Variants in FAT3 observed in about 807,000 individuals in gnomAD.
FAT3 encodes FAT atypical cadherin 3.
A neutral mutation model predicts 310.2 loss-of-function variants in FAT3; 95 were observed. The ratio of observed to expected loss-of-function variants is 0.31; its 90% CI spans 0.26 to 0.36. The LOEUF (loss-of-function observed/expected upper bound fraction) is 0.36, where lower values mean the gene tolerates loss of function less well. Ranked by LOEUF, FAT3 falls within the 10% of genes least tolerant of loss-of-function variation. The pLI, the probability that FAT3 is intolerant of heterozygous loss-of-function variation, is 1.00. For missense variants in FAT3, 5,408 were observed against 5,715.6 expected, an observed-to-expected ratio of 0.95 and a Z score of 1.74; for synonymous variants, 2,314 against 2,192.9, an observed-to-expected ratio of 1.06 and a Z score of -1.54.
intron 2 of FAT3, among the ~76,000 whole-genome samples, chr11:92,434,297 T>TA (rs1950876446): frequency 6.6e-6 from 1 of 152,156 alleles, no homozygotes; most frequent in Non-Finnish European, 1.5e-5. Flanking sequence ...GAATCTCCCA[T>TA]GTACAGCTGT....
At chr11:92,362,229 C>T (rs988451634) in intron 2 of FAT3, among the ~76,000 whole-genome samples, 1 of 152,174 alleles carries the variant, frequency 6.6e-6, no homozygotes, top group African/African-American at 2.4e-5. Context: ...ACCTAATGTA[C>T]ACTTTGAATT....
chr11:92,824,550 G>A (rs1948054936), intron 13 of FAT3, among the ~76,000 whole-genome samples: 1 of 152,104 alleles, frequency 6.6e-6, no homozygotes, highest in South Asian at 2.1e-4. Context: ...CGAGTGGTAT[G>A]GATGTTGACA....
intron 3 of FAT3, among the ~76,000 whole-genome samples, chr11:92,648,850 C>A (rs1298082672): frequency 6.6e-6 from 1 of 152,190 alleles, no homozygotes; most frequent in Non-Finnish European, 1.5e-5. Flanking sequence ...GAAGACACTG[C>A]AGTCGGAAGC....
chr11:92,712,972 C>G (rs1471543174), intron 4 of FAT3, among the ~76,000 whole-genome samples: 2 of 152,182 alleles, frequency 1.3e-5, no homozygotes, highest in Non-Finnish European at 2.9e-5. Flanking sequence ...CAAAGCCCAG[C>G]CCCAGCTTGC....
In FAT3 at chr11:92,827,597, A is replaced by G. The variant is rs141130631; in HGVS notation, c.9482-4025A>G. Among the ~76,000 whole-genome samples the G allele has an allele frequency of 3.0e-3, 453 of 152,258 alleles. 2 individuals carry two copies. Among genetic ancestry groups the G allele is most frequent in the African/African-American group, 0.01 (430 of 41,554 alleles). ...TTTAATGCATTTTAAACTGACTTTT[A>G]TGTACAGTCCCACGTCCAAAAAGTC... is the stretch of plus-strand genomic sequence containing the variant. On this transcript the variant is annotated intron_variant, in intron 13 of 27. Coordinates refer to ENST00000525166, the MANE Select transcript of FAT3 (RefSeq NM_001367949.2).
chr11:92,871,371 G>A (rs1026810767), intron 22 of FAT3, among the ~76,000 whole-genome samples: 9 of 152,140 alleles, frequency 5.9e-5, no homozygotes, highest in African/African-American at 2.2e-4. Flanking sequence ...GCATCACTGG[G>A]AATGTTGGAA....
chr11:92,450,561 G>A (rs1951329405), intron 2 of FAT3, among the ~76,000 whole-genome samples: 1 of 152,164 alleles, frequency 6.6e-6, no homozygotes, highest in Non-Finnish European at 1.5e-5. Context: ...ATTAGCAGCA[G>A]CAAGAATTTG....
intron 22 of FAT3, among the ~76,000 whole-genome samples, chr11:92,869,299 T>G (rs1240006796): frequency 6.6e-6 from 1 of 152,228 alleles, no homozygotes; most frequent in African/African-American, 2.4e-5. Context: ...GCCTAGCCAA[T>G]GGGTTCTTAT....
Position 92,844,552 on chromosome 11 carries a change from C to T in FAT3, c.11185C>T (p.Leu3729=), listed in dbSNP as rs1335478039. ...IQKLSNARRH[L]ENIMRISAIL... is the part of the protein sequence containing the mutation. ...GAAGCTGTCCAATGCTAGAAGACAC[C>T]TGGAGAATATCATGCGCATCTCAGC... The change falls in exon 19 of 28, where the codon CTG becomes TTG. Residue 3729 remains leucine (L), a synonymous_variant. Coordinates refer to ENST00000525166, the MANE Select transcript of FAT3 (RefSeq NM_001367949.2). The T allele has an allele frequency of 3.3e-5, 54 of 1,613,868 alleles. No homozygotes were observed. Among genetic ancestry groups the T allele is most frequent in the Non-Finnish European group, 4.5e-5 (53 of 1,179,910 alleles).
At chr11:92,717,738 A>G (rs1435855226) in intron 4 of FAT3, among the ~76,000 whole-genome samples, 1 of 152,182 alleles carries the variant, frequency 6.6e-6, no homozygotes, top group Non-Finnish European at 1.5e-5. Flanking sequence ...TCAGAGCCTA[A>G]GATATGCAGG....
Position 92,656,379 on chromosome 11 carries a change from C to A in FAT3, c.3608-41005C>A, listed in dbSNP as rs1352809449. Among the ~76,000 whole-genome samples, 3 of 152,202 alleles carry A rather than the reference C, an allele frequency of 2.0e-5. No individual in the cohort carries two copies. In the East Asian group the frequency reaches 5.8e-4, roughly 29 times the overall value. ...CTCACAAGTGAATCCTTGCCCTGGG[C>A]AAGGTCCATCAGCCTCCAATGTATA... On this transcript the variant is annotated intron_variant, in intron 3 of 27. Coordinates refer to ENST00000525166, the MANE Select transcript of FAT3 (RefSeq NM_001367949.2).
At position 92,838,423 on chromosome 11, in the gene FAT3, A is replaced by G. The variant is rs1238716971; in HGVS notation, c.10368+617A>G. Among the ~76,000 whole-genome samples the G allele has an allele frequency of 2.6e-5, 4 of 152,212 alleles. No individual in the cohort carries two copies. In the East Asian group the frequency reaches 5.8e-4, roughly 22 times the overall value. ...AGTAACTTACTGCTGGTATTCTGCT[A>G]TAAGAGAGAGTGACTCTTCTTCCCA... On this transcript the variant is annotated intron_variant, in intron 17 of 27. Transcript: ENST00000525166.
Position 92,524,850 on chromosome 11 carries a change from T to C in FAT3, c.3509T>C (p.Ile1170Thr). 6.2e-7 allele frequency: 1 copy of C among 1,613,880 alleles called. No individual in the cohort carries two copies. Among genetic ancestry groups the C allele is most frequent in the Non-Finnish European group, 8.5e-7 (1 of 1,179,830 alleles). ...NSPKDVSVIQ[I>T]QAEDPDSSSN... is the part of the protein sequence containing the mutation. ...CCAAAGGACGTATCTGTCATTCAGA[T>C]CCAGGCTGAAGATCCTGACTCCAGT... Residue 1170 changes from isoleucine to threonine, a missense_variant, in exon 3 of 28, where the codon ATC becomes ACC. Around this residue, in one of 5 missense-constraint regions of FAT3, gnomAD observed 4,588 missense variants for 4,809.8 expected, o/e 0.95. Coordinates refer to ENST00000525166, the MANE Select transcript of FAT3 (RefSeq NM_001367949.2).
chr11:92,326,781 A>C (rs1947780425), intron 1 of FAT3, among the ~76,000 whole-genome samples: 1 of 152,186 alleles, frequency 6.6e-6, no homozygotes, highest in South Asian at 2.1e-4. Context: ...CAGAAACTGG[A>C]GTCTTATTTT....
chr11:92,583,666 CAAAAGGAGCTCTT>C (rs1938961581), intron 3 of FAT3, among the ~76,000 whole-genome samples: 1 of 151,880 alleles, frequency 6.6e-6, no homozygotes, highest in Non-Finnish European at 1.5e-5. Context: ...TCTAAAGCTC[CAAAAGGAGCTCTT>C]ATACCCTTCA....
chr11:92,326,814 A>G (rs1947781201), intron 1 of FAT3, among the ~76,000 whole-genome samples: 1 of 152,196 alleles, frequency 6.6e-6, no homozygotes, highest in Non-Finnish European at 1.5e-5. Flanking sequence ...TACTCTCAAG[A>G]CTTAGAAATA....
chr11:92,600,034 G>A (rs1480619052), intron 3 of FAT3, among the ~76,000 whole-genome samples: 1 of 152,186 alleles, frequency 6.6e-6, no homozygotes, highest in East Asian at 1.9e-4. Context: ...ACCATTAAAT[G>A]CTCTCTATAT....
intron 4 of FAT3, among the ~76,000 whole-genome samples, chr11:92,729,882 C>T (rs756097997): frequency 6.6e-6 from 1 of 152,076 alleles, no homozygotes; most frequent in Non-Finnish European, 1.5e-5. Flanking sequence ...CTTGAGACTA[C>T]AAGACTACTC....
At chr11:92,320,158 T>C (rs1272265017) in intron 1 of FAT3, among the ~76,000 whole-genome samples, 1 of 152,184 alleles carries the variant, frequency 6.6e-6, no homozygotes, top group Non-Finnish European at 1.5e-5. Context: ...GCAAAAGTAA[T>C]TGCGATTTTT....
Sources: allele counts gnomAD v4.1 joint callset (sites outside exome capture counted in the v4.1 genomes callset), GRCh38; gene constraint gnomAD v4.1.1; regional missense constraint gnomAD v4.1.1; transcripts MANE v1.5; gene names NCBI Gene and HGNC (gene_info 2026-07-23, HGNC 2026-07-21).